CIB4: variants seen among roughly 807,000 people sequenced by gnomAD.
The protein encoded by CIB4 is calcium and integrin binding family member 4.
In CIB4, 25 loss-of-function variants were observed where a neutral mutation model predicts 25.8. That is an observed-to-expected ratio of 0.97 (90% CI 0.71 to 1.35). The LOEUF is 1.35. Ranked by LOEUF, CIB4 falls within the 40% of genes most tolerant of loss-of-function variation. The probability of loss-of-function intolerance (pLI) is 0.00; values close to 1 mark genes in which losing one functional copy is unlikely to be tolerated. For missense variants in CIB4, 235 were observed against 228.2 expected (o/e 1.03, Z -0.19); for synonymous variants, 75 against 81.4 (o/e 0.92, Z 0.42).
chr2:26,585,786 C>T (rs1400920902), intron 4 of CIB4, among the ~76,000 whole-genome samples: 5 of 152,058 alleles, frequency 3.3e-5, no homozygotes, highest in Non-Finnish European at 7.4e-5. Flanking sequence ...ACTCCAGGCT[C>T]ACATATGCAC....
At chr2:26,634,214 ACTC>A (rs1669488745) in intron 2 of CIB4, among the ~76,000 whole-genome samples, 1 of 151,642 alleles carries the variant, frequency 6.6e-6, no homozygotes, top group South Asian at 2.1e-4. Flanking sequence ...CCGAATTCCC[ACTC>A]CTCAAGTCCC....
chr2:26,612,620 C>A (rs1316224189), intron 3 of CIB4, among the ~76,000 whole-genome samples: 1 of 152,070 alleles, frequency 6.6e-6, no homozygotes, highest in South Asian at 2.1e-4. Flanking sequence ...CTGCTGGGAG[C>A]CTTCCCTTTT....
intron 4 of CIB4, among the ~76,000 whole-genome samples, chr2:26,587,582 A>G (rs963857782): frequency 6.6e-6 from 1 of 152,146 alleles, no homozygotes; most frequent in South Asian, 2.1e-4. Context: ...TGGAATATAG[A>G]AGATATTCAG....
At chr2:26,596,230 A>G (rs980355650) in intron 3 of CIB4, among the ~76,000 whole-genome samples, 1 of 152,172 alleles carries the variant, frequency 6.6e-6, no homozygotes, top group Non-Finnish European at 1.5e-5. Flanking sequence ...TCTTTAATAA[A>G]AACACCATTG....
Position 26,583,864 on chromosome 2 carries a change from A to T in CIB4, c.363T>A (p.Asp121Glu). The change falls in exon 5 of 7, where the codon GAT (aspartate) becomes GAA (glutamate). Residue 121 changes from aspartate (D) to glutamate (E), a missense_variant. By Grantham distance (45) the Asp-to-Glu change is conservative. Coordinates refer to ENST00000288861, the MANE Select transcript of CIB4 (RefSeq NM_001029881.3). Reference sequence around the variant, plus strand: ...GCAGTCGCAGGATGATCCTCTGCAGATCCTCCTCATCAATGAAGCCATTCT... The same window carrying T: ...GCAGTCGCAGGATGATCCTCTGCAGTTCCTCCTCATCAATGAAGCCATTCT... Reference protein sequence around the residue: ...FNENGFIDEEDLQRIILRLLN... With the variant: ...FNENGFIDEEELQRIILRLLN... 1 of 1,613,192 alleles carries T rather than the reference A, an allele frequency of 6.2e-7. No homozygotes were observed. The highest frequency in any genetic ancestry group is 8.5e-7 in the Non-Finnish European group (1 of 1,179,368).
chr2:26,638,845 A>T (rs1030813356), intron 2 of CIB4, among the ~76,000 whole-genome samples: 3 of 152,214 alleles, frequency 2.0e-5, no homozygotes, highest in African/African-American at 7.2e-5. Context: ...CCAGCTACTC[A>T]GGAGGCTGAG....
Position 26,589,081 on chromosome 2 carries a change from T to TTCTTCTTCTTCTTCC in CIB4, c.329-5184_329-5183insGGAAGAAGAAGAAGA, listed in dbSNP as rs1558554971. On this transcript the variant is annotated intron_variant, in intron 4 of 6. Transcript: ENST00000288861. ...CTTCCTCTTCCTCTTCCTCTTCTTC[T>TTCTTCTTCTTCTTCC]TCTTCTTCTTCTTCTTCTTCTTCTT... Among the ~76,000 whole-genome samples the TTCTTCTTCTTCTTCC allele has an allele frequency of 7.1e-5, 6 of 84,166 alleles. 1 individual carries two copies. The highest frequency in any genetic ancestry group is 3.0e-4 in the African/African-American group (4 of 13,162). 55.2% of individuals were successfully genotyped at this position (84,166 alleles called of 152,430 possible).
intron 2 of CIB4, among the ~76,000 whole-genome samples, chr2:26,634,793 G>T (rs1669499761): frequency 6.6e-6 from 1 of 152,222 alleles, no homozygotes; most frequent in African/African-American, 2.4e-5. Flanking sequence ...AGGAAGAAAG[G>T]CCCCATGGCT....
chr2:26,612,649 T>C (rs1446959491), intron 3 of CIB4, among the ~76,000 whole-genome samples: 4 of 151,542 alleles, frequency 2.6e-5, no homozygotes, highest in Admixed American at 1.3e-4. Context: ...TTCTTCCTCT[T>C]CCAGGAGGCC....
At chr2:26,600,688 C>G (rs927464892) in intron 3 of CIB4, among the ~76,000 whole-genome samples, 3 of 152,082 alleles carry the variant, frequency 2.0e-5, no homozygotes, top group Admixed American at 2.0e-4. Context: ...GTAACAAAAC[C>G]TTTTGTATTT....
At chr2:26,605,558 T>G (rs1013092456) in intron 3 of CIB4, 1 of 470,996 alleles carries the variant, frequency 2.1e-6, no homozygotes, top group African/African-American at 2.0e-5. Flanking sequence ...TTCATCTCAC[T>G]GCCTAGGAGG....
At chr2:26,628,596 C>T (rs1275956) in intron 3 of CIB4, among the ~76,000 whole-genome samples, 84,018 of 152,062 alleles carry the variant, frequency 0.55, 24,136 homozygotes, top group Admixed American at 0.66. Flanking sequence ...CCAGGCAGCG[C>T]TGGCTGAATT....
intron 4 of CIB4, among the ~76,000 whole-genome samples, chr2:26,588,422 C>G (rs1184547400): frequency 6.6e-6 from 1 of 152,206 alleles, no homozygotes; most frequent in Non-Finnish European, 1.5e-5. Context: ...GCCTCTGCAG[C>G]CTCAGACCAC....
In CIB4 at chr2:26,581,332, G is replaced by T. The variant is rs189173186; in HGVS notation, c.*31C>A. 24 of 1,603,700 alleles carry T rather than the reference G, an allele frequency of 1.5e-5. No homozygotes were observed. The African/African-American group carries it at 3.1e-4, about 21-fold the overall frequency. ...GGGTTCGATTCCTGTGGTCTCCCTC[G>T]AGGCTGCCATGTCAGGTGTTTGCCG... On this transcript the variant is annotated 3_prime_UTR_variant, in exon 7 of 7. Transcript: ENST00000288861.
Position 26,640,372 on chromosome 2 carries a change from G to A in CIB4, c.89+161C>T, listed in dbSNP as rs879179509. ...GGGCTCTGCGGATCGTGGCCCCTGG[G>A]CCCTCCCATCCCTGCCTGCCGTGTC... On this transcript the variant is annotated intron_variant, in intron 2 of 6. Coordinates refer to ENST00000288861, the MANE Select transcript of CIB4 (RefSeq NM_001029881.3). Among the ~76,000 whole-genome samples the A allele has an allele frequency of 1.2e-4, 19 of 152,348 alleles. No homozygotes were observed. In the South Asian group the frequency reaches 3.7e-3, roughly 30 times the overall value.
chr2:26,626,819 C>A (rs1372756806), intron 3 of CIB4, among the ~76,000 whole-genome samples: 1 of 152,086 alleles, frequency 6.6e-6, no homozygotes, highest in South Asian at 2.1e-4. Context: ...TCTTCTCAAG[C>A]CTTGCTGCAC....
At chr2:26,629,589 G>T in intron 2 of CIB4, 83 bp from the exon 3 acceptor site, 1 of 895,172 alleles carries the variant, frequency 1.1e-6, no homozygotes. Context: ...CAGCAAGCCT[G>T]TCTCCTGCTG....
At chr2:26,589,048 TTCTTCTTCTTCCTCTTCCTCTTCC>T (rs758691386) in intron 4 of CIB4, among the ~76,000 whole-genome samples, 49 of 48,976 alleles carry the variant, frequency 1.0e-3, no homozygotes, top group African/African-American at 3.1e-3. Flanking sequence ...CTTCTTCTTC[TTCTTCTTCTTCCTCTTCCTCTTCC>T]TCTTCTTCTT....
Position 26,581,320 on chromosome 2 carries a change from G to A in CIB4, c.*43C>T. ...CAGTGCTGGAGGGGGTTCGATTCCT[G>A]TGGTCTCCCTCGAGGCTGCCATGTC... On this transcript the variant is annotated 3_prime_UTR_variant, in exon 7 of 7. Transcript: ENST00000288861. 1 of 1,577,752 alleles carries A rather than the reference G, an allele frequency of 6.3e-7. No individual in the cohort carries two copies. Among genetic ancestry groups the A allele is most frequent in the South Asian group, 1.1e-5 (1 of 90,194 alleles).
Sources: gnomAD v4.1 joint callset for allele counts (sites outside exome capture counted in the v4.1 genomes callset) on GRCh38, gnomAD v4.1.1 for gene constraint, MANE v1.5 for transcripts, NCBI Gene and HGNC (gene_info 2026-07-23, HGNC 2026-07-21) for gene names.